TSR1: variants seen among roughly 807,000 people sequenced by gnomAD.
TSR1 encodes TSR1 ribosome maturation factor.
TSR1 carries 81 observed loss-of-function variants against 90.9 expected under a neutral mutation model. That is an observed-to-expected ratio of 0.89 (90% confidence interval 0.74 to 1.07). The LOEUF (loss-of-function observed/expected upper bound fraction) is 1.07. TSR1 is among the 50% of genes least tolerant of loss of function. TSR1 has a pLI of 0.00. For missense variants in TSR1, 989 were observed against 987.3 expected, an observed-to-expected ratio of 1.00 and a Z score of -0.02; for synonymous variants, 362 against 348.8, an observed-to-expected ratio of 1.04 and a Z score of -0.42.
rs529465828 is a variant in TSR1, at chr17:2,322,813, A to C, written c.*1383T>G. 5.2e-5 allele frequency: 17 copies of C among 326,722 alleles called. No individual in the cohort carries two copies. The highest frequency in any genetic ancestry group is 9.4e-5 in the Non-Finnish European group (16 of 170,570). The allele number at this position is 326,722 out of a possible 1,614,324, so 20.2% of individuals were successfully genotyped here. A position where few individuals can be genotyped will look rare whatever the true frequency, so the allele number is the denominator to read the frequency against. On this transcript the variant is annotated 3_prime_UTR_variant, in exon 15 of 15. Transcript: ENST00000301364. The stretch of plus-strand genomic sequence containing the variant: ...TTACAGGCGTGAGCCACTGCGCCCC[A>C]CCCCATTTTGGTGTGATCTCAGCTC...
Position 2,330,975 on chromosome 17 carries a change from A to T in TSR1, c.1631T>A (p.Val544Asp), listed in dbSNP as rs141558310. The T allele has an allele frequency of 1.0e-5, 16 of 1,597,210 alleles. No individual in the cohort carries two copies. The African/African-American group carries it at 2.0e-4, about 20-fold the overall frequency. Residue 544 changes from valine (V) to aspartate (D), a missense_variant, in exon 9 of 15, where the codon GTT becomes GAT. By Grantham distance (152) the Val-to-Asp change is radical. Coordinates refer to ENST00000301364, the MANE Select transcript of TSR1 (RefSeq NM_018128.5). Reference sequence around the variant, plus strand: ...AGCTCCTTCAACCTCTTTTTCTTCAACCTCTTTAAAGATGCTTTTCCTAGT... The same window carrying T: ...AGCTCCTTCAACCTCTTTTTCTTCATCCTCTTTAAAGATGCTTTTCCTAGT... ...TNTRKSIFKEVEEKEVEGAEV... is the reference protein window; with the variant it reads ...TNTRKSIFKEDEEKEVEGAEV...
rs146442209 is a variant in TSR1, at chr17:2,333,142, A to G, written c.1142-18T>C. The G allele has an allele frequency of 1.4e-4, 229 of 1,612,282 alleles. No homozygotes were observed. The African/African-American group carries it at 2.6e-3, about 19-fold the overall frequency. On this transcript the variant is annotated intron_variant, in intron 6 of 14. Transcript: ENST00000301364. ...CAAGAAATCTGTAAAAGCCCAAACA[A>G]ATTAAGTAAATTACAGACTTCTTTT... is the stretch of plus-strand genomic sequence containing the variant.
In TSR1 at chr17:2,336,138, G is replaced by A. The variant is rs2064074287; in HGVS notation, c.100C>T (p.Arg34Cys). ...TTGCTTAGGGTTTTCAGTGCCAGAC[G>A]GCCTGAATGGCAGATTAGAAGGGGC... The part of the protein sequence containing the change: ...RGSAQRDGKG[R>C]LALKTLSKKV... The change falls in exon 2 of 15, where the codon CGT becomes TGT. Residue 34 changes from arginine to cysteine, a missense_variant and splice_region_variant. By Grantham distance (180) the Arg-to-Cys change is radical (BLOSUM62 -3). Coordinates refer to ENST00000301364, the MANE Select transcript of TSR1 (RefSeq NM_018128.5). The A allele has an allele frequency of 1.2e-6, 2 of 1,613,896 alleles. No individual in the cohort carries two copies. Among genetic ancestry groups the A allele is most frequent in the African/African-American group, 2.7e-5 (2 of 74,906 alleles).
chr17:2,330,580 C>T lies in TSR1; in HGVS notation c.1705G>A (p.Val569Met). ...GTTCCTTGCCTGAAGCACTCGACCA[C>T]TGAGACGGGGACTTCAGAGACATGA... ...TLHVSEVPVS[V>M]VECFRQGTPL... The change falls in exon 10 of 15, where the codon GTG (valine) becomes ATG (methionine). Residue 569 changes from valine to methionine, a missense_variant. Physicochemically the swap from Val to Met is conservative, Grantham distance 21. Transcript: ENST00000301364. 6.2e-7 allele frequency: 1 copy of T among 1,614,070 alleles called. No homozygotes were observed. Among genetic ancestry groups the T allele is most frequent in the African/African-American group, 1.3e-5 (1 of 75,004 alleles).
intron 5 of TSR1, 120 bp downstream of exon 5, chr17:2,334,352 G>T: frequency 1.9e-6 from 2 of 1,056,052 alleles, no homozygotes; most frequent in Non-Finnish European, 2.8e-6. Context: ...ACTGACTATT[G>T]CCTTACTTCA....
chr17:2,336,202 C>T, intron 1 of TSR1, 62 bp from the exon 2 acceptor site: 1 of 1,601,232 alleles, frequency 6.2e-7, no homozygotes, highest in Non-Finnish European at 8.6e-7. Flanking sequence ...AAAGGGACTC[C>T]TCTCCGCCCA....
chr17:2,331,227 C>G (rs2064001279), intron 8 of TSR1, 118 bp from the exon 9 acceptor site: 1 of 804,372 alleles, frequency 1.2e-6, no homozygotes, highest in Non-Finnish European at 1.8e-6. Flanking sequence ...CATCCTCTCT[C>G]CAAACAACCC....
chr17:2,335,185 G>A, intron 4 of TSR1, 75 bp downstream of exon 4: 1 of 1,463,248 alleles, frequency 6.8e-7, no homozygotes. Flanking sequence ...TGATCCATCA[G>A]TTGTATTCCT....
chr17:2,325,301 T>C lies in TSR1; in HGVS notation c.2020+3A>G. 6.2e-7 allele frequency: 1 copy of C among 1,608,986 alleles called. No individual in the cohort carries two copies. Among genetic ancestry groups the C allele is most frequent in the Non-Finnish European group, 8.5e-7 (1 of 1,177,846 alleles). Reference sequence around the variant, plus strand: ...GTCTGTTCATCTCTGTGGCTCAACTTACCATTGCTTTTTTGCTTGAAAAGC... The same window carrying C: ...GTCTGTTCATCTCTGTGGCTCAACTCACCATTGCTTTTTTGCTTGAAAAGC... On this transcript the variant is annotated splice_donor_region_variant and intron_variant, in intron 12 of 14. Transcript: ENST00000301364.
At position 2,336,443 on chromosome 17, in the gene TSR1, T is replaced by C. The variant is rs1375943839; in HGVS notation, c.-16A>G. Reference sequence around the variant, plus strand: ...GGGCCGCCATGCCGCAGCGCGCGTGTACGGAGTCAGCACTGCTTCCGGGCC... The same window carrying C: ...GGGCCGCCATGCCGCAGCGCGCGTGCACGGAGTCAGCACTGCTTCCGGGCC... On this transcript the variant is annotated 5_prime_UTR_variant, in exon 1 of 15. Transcript: ENST00000301364. 45 of 1,607,424 alleles carry C rather than the reference T, an allele frequency of 2.8e-5. No individual in the cohort carries two copies. The highest frequency in any genetic ancestry group is 3.6e-5 in the Non-Finnish European group (43 of 1,179,346).
intron 7 of TSR1, 112 bp downstream of exon 7, chr17:2,332,840 AAAAAAAAAT>A (rs1567784515): frequency 2.7e-5 from 28 of 1,021,712 alleles, no homozygotes; most frequent in South Asian, 6.0e-5. Context: ...CCGTCTCATA[AAAAAAAAAT>A]AAAAAAAATA....
In TSR1 at chr17:2,330,944, T is replaced by TA. The variant is rs1321483253; in HGVS notation, c.1659+2dup. 2 of 1,578,434 alleles carry TA rather than the reference T, an allele frequency of 1.3e-6. No individual in the cohort carries two copies. The highest frequency in any genetic ancestry group is 2.7e-5 in the African/African-American group (2 of 72,918). On this transcript the variant is annotated splice_region_variant and intron_variant, in intron 9 of 14. Coordinates refer to ENST00000301364, the MANE Select transcript of TSR1 (RefSeq NM_018128.5). ...ATACAAGATGAACAAGGAGGATAGA[T>TA]ACCTCAGCTCCTTCAACCTCTTTTT... is the stretch of plus-strand genomic sequence containing the variant.
chr17:2,326,887 C>T (rs531609410), intron 11 of TSR1, among the ~76,000 whole-genome samples: 21 of 152,192 alleles, frequency 1.4e-4, no homozygotes, highest in African/African-American at 4.8e-4. Flanking sequence ...GGTGGATCAC[C>T]TGAGGTCGGG....
At chr17:2,328,617 A>C (rs1041283216) in intron 11 of TSR1, among the ~76,000 whole-genome samples, 11 of 149,668 alleles carry the variant, frequency 7.3e-5, no homozygotes, top group African/African-American at 9.9e-5. Flanking sequence ...AACAAACAAA[A>C]AAAAACAAAA....
At chr17:2,329,741 C>T (rs996634422) in intron 10 of TSR1, among the ~76,000 whole-genome samples, 1 of 152,104 alleles carries the variant, frequency 6.6e-6, no homozygotes, top group Non-Finnish European at 1.5e-5. Flanking sequence ...AAGAGCTCAA[C>T]ATCTGCCACA....
rs765344987 is a variant in TSR1 at position 2,325,288 on chromosome 17, C to T, written c.2020+16G>A. The T allele has an allele frequency of 1.9e-6, 3 of 1,592,746 alleles. No individual in the cohort carries two copies. In the African/African-American group the frequency reaches 4.0e-5, roughly 21 times the overall value. ...AAGGACCTGCAGGGTCTGTTCATCTCTGTGGCTCAACTTACCATTGCTTTT... is the reference window on the plus strand; with the variant it reads ...AAGGACCTGCAGGGTCTGTTCATCTTTGTGGCTCAACTTACCATTGCTTTT... On this transcript the variant is annotated intron_variant, in intron 12 of 14. Transcript: ENST00000301364.
intron 11 of TSR1, among the ~76,000 whole-genome samples, chr17:2,327,242 C>A (rs1389697516): frequency 6.6e-6 from 1 of 151,900 alleles, no homozygotes; most frequent in Non-Finnish European, 1.5e-5. Context: ...CTTGGTGAAA[C>A]CCCATCTCTA....
chr17:2,335,554 G>A lies in TSR1; in HGVS notation c.378C>T (p.Cys126=), dbSNP rs772285346. 135 of 1,614,002 alleles carry A rather than the reference G, an allele frequency of 8.4e-5. No individual in the cohort carries two copies. Among genetic ancestry groups the A allele is most frequent in the Non-Finnish European group, 1.1e-4 (130 of 1,180,034 alleles). Residue 126 remains cysteine (C), a synonymous_variant, in exon 3 of 15, where the codon TGC becomes TGT. Coordinates refer to ENST00000301364, the MANE Select transcript of TSR1 (RefSeq NM_018128.5). ...LGNTQNFMLL[C]PRLKHRWFFT... Reference sequence around the variant, plus strand: ...AAAACCACCGATGTTTCAAGCGGGGGCACAGCAGCATAAAGTTCTGGGTGT... The same window carrying A: ...AAAACCACCGATGTTTCAAGCGGGGACACAGCAGCATAAAGTTCTGGGTGT...
At position 2,323,751 on chromosome 17, in the gene TSR1, G is replaced by A. The variant is rs377162534; in HGVS notation, c.*445C>T. The A allele has an allele frequency of 1.4e-4, 221 of 1,614,054 alleles. No homozygotes were observed. The highest frequency in any genetic ancestry group is 1.8e-4 in the Non-Finnish European group (217 of 1,180,032). On this transcript the variant is annotated 3_prime_UTR_variant, in exon 15 of 15. Coordinates refer to ENST00000301364, the MANE Select transcript of TSR1 (RefSeq NM_018128.5). ...TGTGCTGTCTCAACATTTTCAAACT[G>A]TTTCCCCAGAAGTAAAGAACATTTG...
Sources: gnomAD v4.1 joint callset for allele counts (sites outside exome capture counted in the v4.1 genomes callset) on GRCh38, gnomAD v4.1.1 for gene constraint, MANE v1.5 for transcripts, NCBI Gene and HGNC (gene_info 2026-07-23, HGNC 2026-07-21) for gene names.